Variants in PNPT1 observed in about 807,000 individuals in gnomAD.
The protein encoded by PNPT1 is polyribonucleotide nucleotidyltransferase 1, mitochondrial.
Under a neutral mutation model 119.5 loss-of-function variants are expected in PNPT1, and 53 were observed. The observed-to-expected ratio is 0.44, with a 90% confidence interval of 0.36 to 0.56. The LOEUF (loss-of-function observed/expected upper bound fraction) is 0.56. Ranked by LOEUF, PNPT1 falls within the 20% of genes least tolerant of loss-of-function variation. The probability of loss-of-function intolerance (pLI) is 0.00; values close to 1 mark genes in which losing one functional copy is unlikely to be tolerated. For synonymous variants in PNPT1, 357 were observed against 322.1 expected (o/e 1.11, Z -1.16); for missense variants, 948 against 938.5 (o/e 1.01, Z -0.13).
chr2:55,668,634 T>C (rs1000380727), intron 11 of PNPT1, among the ~76,000 whole-genome samples: 5 of 149,970 alleles, frequency 3.3e-5, no homozygotes, highest in Admixed American at 2.0e-4. Flanking sequence ...AGTTTTGCTC[T>C]TGTTGCCCAG....
intron 2 of PNPT1, among the ~76,000 whole-genome samples, chr2:55,686,884 C>T (rs1697421940): frequency 6.6e-6 from 1 of 152,156 alleles, no homozygotes; most frequent in Non-Finnish European, 1.5e-5. Flanking sequence ...AATTGCAGCA[C>T]TTTGCGGGGG....
At chr2:55,673,499 A>G (rs1696975918) in intron 8 of PNPT1, among the ~76,000 whole-genome samples, 1 of 150,066 alleles carries the variant, frequency 6.7e-6, no homozygotes, top group African/African-American at 2.5e-5. Flanking sequence ...ACCACGCTGG[A>G]GTGCAGTGGC....
At position 55,672,021 on chromosome 2, in the gene PNPT1, C is replaced by G. The variant is rs534505993; in HGVS notation, c.892G>C (p.Val298Leu). Residue 298 changes from valine to leucine, a missense_variant, in exon 10 of 28, where the codon GTT (valine) becomes CTT (leucine). Transcript: ENST00000447944. Reference sequence around the variant, plus strand: ...TTGTCATGCTCGTAATCTGTAAAAACTGCATAGAGTCTCTCCATAGCAAGT... The same window carrying G: ...TTGTCATGCTCGTAATCTGTAAAAAGTGCATAGAGTCTCTCCATAGCAAGT... Reference protein sequence around the residue: ...HKLAMERLYAVFTDYEHDKVS... With the variant: ...HKLAMERLYALFTDYEHDKVS... 3 of 1,603,124 alleles carry G rather than the reference C, an allele frequency of 1.9e-6. No individual in the cohort carries two copies. Among genetic ancestry groups the G allele is most frequent in the African/African-American group, 2.7e-5 (2 of 74,468 alleles).
chr2:55,668,740 T>C (rs755845807), intron 11 of PNPT1, among the ~76,000 whole-genome samples: 1 of 152,120 alleles, frequency 6.6e-6, no homozygotes, highest in Non-Finnish European at 1.5e-5. Context: ...GCTGGGATTA[T>C]AGGCATGTGC....
At chr2:55,671,475 G>A (rs146761238) in intron 10 of PNPT1, 99 bp from the exon 11 acceptor site, 1 of 649,066 alleles carries the variant, frequency 1.5e-6, no homozygotes, top group African/African-American at 1.9e-5. Context: ...GAATTACTCT[G>A]ATTTCTTTAA....
intron 26 of PNPT1, among the ~76,000 whole-genome samples, chr2:55,638,926 C>T (rs1695758322): frequency 6.6e-6 from 1 of 151,992 alleles, no homozygotes; most frequent in Non-Finnish European, 1.5e-5. Context: ...AGGTGCACGC[C>T]ATCATGCCCA....
chr2:55,661,235 G>T (rs1159318139), intron 14 of PNPT1, among the ~76,000 whole-genome samples: 1 of 151,522 alleles, frequency 6.6e-6, no homozygotes, highest in Non-Finnish European at 1.5e-5. Context: ...TGGGACTACA[G>T]GTGCCCACCA....
intron 15 of PNPT1, among the ~76,000 whole-genome samples, chr2:55,658,012 C>T (rs1339250185): frequency 6.6e-6 from 1 of 151,166 alleles, no homozygotes; most frequent in East Asian, 1.9e-4. Context: ...CTGAGGCAGG[C>T]AGACTGCTTG....
chr2:55,644,919 C>G (rs1367229843), intron 22 of PNPT1, 199 bp from the exon 23 acceptor site: 2 of 409,262 alleles, frequency 4.9e-6, no homozygotes, highest in Non-Finnish European at 8.5e-6. Flanking sequence ...ATTTTAACTA[C>G]AAAAGTATTT....
chr2:55,650,962 G>T (rs1305901638), intron 18 of PNPT1, among the ~76,000 whole-genome samples: 2 of 143,066 alleles, frequency 1.4e-5, no homozygotes, highest in Non-Finnish European at 3.1e-5. Context: ...TCAGCCCCCC[G>T]CCCGGCCAGC....
chr2:55,635,054 G>C lies in PNPT1; in HGVS notation c.*1183C>G, dbSNP rs1398325537. The stretch of plus-strand genomic sequence containing the variant: ...ACAGGCACGTACCACTGAGTCCAGT[G>C]TATTTTTATAAGATTTTAAAAAAGA... On this transcript the variant is annotated 3_prime_UTR_variant, in exon 28 of 28. Transcript: ENST00000447944. 1.3e-5 allele frequency: 2 copies of C among 152,002 alleles called. No homozygotes were observed. Among genetic ancestry groups the C allele is most frequent in the Non-Finnish European group, 2.9e-5 (2 of 68,020 alleles). 9.4% of individuals were successfully genotyped at this position (152,002 alleles called of 1,614,324 possible).
rs2104109848 is a variant in PNPT1, at chr2:55,667,869, A to G, written c.1066T>C (p.Tyr356His). 2.5e-6 allele frequency: 4 copies of G among 1,599,626 alleles called. No individual in the cohort carries two copies. The highest frequency in any genetic ancestry group is 3.4e-6 in the Non-Finnish European group (4 of 1,176,016). Reference sequence around the variant, plus strand: ...AAAAAAGGGTATGTTTACCTTTTGTATTCATTCAAAACAATACTTCTAAAA... The same window carrying G: ...AAAAAAGGGTATGTTTACCTTTTGTGTTCATTCAAAACAATACTTCTAAAA... ...EVFRSIVLNE[Y>H]KRCDGRDLTS... The change falls in exon 12 of 28, where the codon TAC becomes CAC. Residue 356 changes from tyrosine to histidine, a missense_variant. By Grantham distance (83) the Tyr-to-His change is moderately conservative. Coordinates refer to ENST00000447944, the MANE Select transcript of PNPT1 (RefSeq NM_033109.5).
intron 3 of PNPT1, among the ~76,000 whole-genome samples, chr2:55,685,881 CT>C (rs1433006527): frequency 6.6e-6 from 1 of 152,116 alleles, no homozygotes; most frequent in Non-Finnish European, 1.5e-5. Context: ...ACATATAATC[CT>C]TAATACAATG....
chr2:55,655,983 A>C (rs1696372164), intron 17 of PNPT1, 148 bp downstream of exon 17: 3 of 943,778 alleles, frequency 3.2e-6, no homozygotes, highest in South Asian at 4.1e-5. Flanking sequence ...GATTAAGACA[A>C]GTATTTGATT....
At chr2:55,665,506 C>T (rs1696705529) in intron 13 of PNPT1, among the ~76,000 whole-genome samples, 1 of 152,070 alleles carries the variant, frequency 6.6e-6, no homozygotes, top group Non-Finnish European at 1.5e-5. Flanking sequence ...TAAAACACTT[C>T]AGAAATTACT....
In PNPT1 at chr2:55,640,376, T is replaced by G. The variant is rs529931990; in HGVS notation, c.2148+251A>C. ...ACCATGTTGGTCAGGATGGTCTCCA[T>G]TTCTTGACCTTGTGATTCACCCGCC... On this transcript the variant is annotated intron_variant, in intron 26 of 27. Transcript: ENST00000447944. Among the ~76,000 whole-genome samples the G allele has an allele frequency of 3.9e-5, 6 of 152,320 alleles. No homozygotes were observed. The East Asian group carries it at 9.6e-4, about 24-fold the overall frequency.
intron 8 of PNPT1, among the ~76,000 whole-genome samples, chr2:55,677,510 C>T (rs1283778608): frequency 7.2e-6 from 1 of 139,536 alleles, no homozygotes; most frequent in African/African-American, 2.7e-5. Context: ...AGGAGAATCA[C>T]TTGAACCTGG....
intron 18 of PNPT1, among the ~76,000 whole-genome samples, chr2:55,648,983 A>G (rs1696088303): frequency 6.6e-6 from 1 of 150,832 alleles, no homozygotes; most frequent in Non-Finnish European, 1.5e-5. Flanking sequence ...ATTTTCTCTA[A>G]GCAACCTCAT....
At chr2:55,690,771 A>G (rs1275240220) in intron 1 of PNPT1, among the ~76,000 whole-genome samples, 1 of 152,214 alleles carries the variant, frequency 6.6e-6, no homozygotes, top group Non-Finnish European at 1.5e-5. Flanking sequence ...TGTTATAATG[A>G]TGAAAGCCTA....
Sources: gnomAD v4.1 joint callset for allele counts (sites outside exome capture counted in the v4.1 genomes callset) on GRCh38, gnomAD v4.1.1 for gene constraint, MANE v1.5 for transcripts, NCBI Gene and HGNC (gene_info 2026-07-23, HGNC 2026-07-21) for gene names.